CES1: variants seen among roughly 807,000 people sequenced by gnomAD.
CES1 encodes the protein liver carboxylesterase 1.
CES1 carries 50 observed loss-of-function variants against 53.0 expected under a neutral mutation model. That is an observed-to-expected ratio of 0.94 (90% CI 0.75 to 1.19). CES1 has a LOEUF of 1.19. Ranked by LOEUF, CES1 falls within the 50% of genes most tolerant of loss-of-function variation. The probability of loss-of-function intolerance (pLI) is 0.00; values close to 1 mark genes in which losing one functional copy is unlikely to be tolerated. For synonymous variants in CES1, 202 were observed against 210.1 expected, an observed-to-expected ratio of 0.96 and a Z score of 0.33; for missense variants, 534 against 538.0, an observed-to-expected ratio of 0.99 and a Z score of 0.07.
intron 9 of CES1, among the ~76,000 whole-genome samples, chr16:55,811,336 A>G (rs1473367881): frequency 1.3e-5 from 2 of 151,696 alleles, no homozygotes; most frequent in African/African-American, 2.4e-5. Context: ...TGACATGGAG[A>G]TGCAAGGTGT....
chr16:55,810,171 G>A (rs534816616), intron 11 of CES1, among the ~76,000 whole-genome samples: 6 of 152,206 alleles, frequency 3.9e-5, no homozygotes, highest in Non-Finnish European at 5.9e-5. Flanking sequence ...CTGTATTCTT[G>A]GTGTTTCCTT....
intron 1 of CES1, among the ~76,000 whole-genome samples, chr16:55,832,071 A>G (rs1213770660): frequency 1.3e-5 from 2 of 152,208 alleles, no homozygotes; most frequent in African/African-American, 4.8e-5. Context: ...TGCCCTGGCC[A>G]CTACCCACCT....
intron 8 of CES1, among the ~76,000 whole-genome samples, chr16:55,814,960 C>A (rs1434965496): frequency 1.3e-5 from 2 of 152,224 alleles, no homozygotes; most frequent in Non-Finnish European, 2.9e-5. Context: ...GGGAGGCCAG[C>A]AAGAGGAGCA....
chr16:55,816,842 G>A lies in CES1; in HGVS notation c.945+82C>T, dbSNP rs1180269258. The A allele has an allele frequency of 4.1e-5, 60 of 1,468,340 alleles. No individual in the cohort carries two copies. The Middle Eastern group carries it at 5.2e-4, about 13-fold the overall frequency. 91.0% of individuals were successfully genotyped at this position (1,468,340 alleles called of 1,614,324 possible). Reference sequence around the variant, plus strand: ...CAGGAGTTACTATAATTACCCAAGAGATGATTCTTTCACTCACAGTTAATT... The same window carrying A: ...CAGGAGTTACTATAATTACCCAAGAAATGATTCTTTCACTCACAGTTAATT... On this transcript the variant is annotated intron_variant, in intron 8 of 13. Coordinates refer to ENST00000360526, the MANE Select transcript of CES1 (RefSeq NM_001025195.2).
chr16:55,811,384 A>G (rs2031692778), intron 9 of CES1, among the ~76,000 whole-genome samples: 1 of 152,068 alleles, frequency 6.6e-6, no homozygotes, highest in Admixed American at 6.5e-5. Context: ...TCTGGGGAAG[A>G]GGATGTAGAC....
intron 9 of CES1, among the ~76,000 whole-genome samples, chr16:55,812,603 C>A (rs2031747026): frequency 6.6e-6 from 1 of 152,150 alleles, no homozygotes; most frequent in African/African-American, 2.4e-5. Context: ...CTTCTAGGCC[C>A]CCTCCGTTTT....
At chr16:55,817,047 G>T (rs1202563935) in intron 7 of CES1, 85 bp from the exon 8 acceptor site, 3 of 1,424,444 alleles carry the variant, frequency 2.1e-6, no homozygotes, top group South Asian at 1.1e-5. Context: ...GAGGTGTCAG[G>T]TTCTTCCCGC....
intron 4 of CES1, among the ~76,000 whole-genome samples, chr16:55,822,662 G>A (rs557099402): frequency 3.2e-4 from 49 of 152,202 alleles, no homozygotes; most frequent in African/African-American, 9.6e-4. Context: ...AGGGGCTCTG[G>A]CTGCTCCCTG....
rs1490001249 is a variant in CES1, at chr16:55,821,445, T to A, written c.616A>T (p.Ile206Phe). ...VAALRWVQDN[I>F]ASFGGNPGSV... ...CCTGGGTTCCCTCCAAAGCTGGCAA[T>A]GTTGTCCTGGACCCAGCGCAGGGCA... Residue 206 changes from isoleucine to phenylalanine, a missense_variant, in exon 5 of 14, where the codon ATT becomes TTT. Ile to Phe is a conservative substitution (Grantham distance 21). This residue lies in a region of CES1 where 85 missense variants were observed against 81.9 expected (regional missense o/e 1.04). Transcript: ENST00000360526. 1.4e-5 allele frequency: 23 copies of A among 1,614,188 alleles called. No homozygotes were observed. Among genetic ancestry groups the A allele is most frequent in the Non-Finnish European group, 1.9e-5 (22 of 1,180,032 alleles).
intron 4 of CES1, among the ~76,000 whole-genome samples, chr16:55,822,623 G>T (rs1438471183): frequency 1.7e-4 from 26 of 152,074 alleles, no homozygotes; most frequent in African/African-American, 6.3e-4. Context: ...TGATGCCTGT[G>T]GGCTTCAAAG....
intron 1 of CES1, among the ~76,000 whole-genome samples, chr16:55,829,492 G>A (rs2032556467): frequency 1.3e-5 from 2 of 152,260 alleles, no homozygotes. Context: ...GGGCATCATG[G>A]AGGAGCTGGG....
intron 2 of CES1, among the ~76,000 whole-genome samples, chr16:55,827,005 C>T (rs1490766974): frequency 6.6e-6 from 1 of 152,128 alleles, no homozygotes; most frequent in East Asian, 1.9e-4. Context: ...AAAACTGAAG[C>T]CTAGGCAGGT....
At chr16:55,815,102 G>A (rs2031881442) in intron 8 of CES1, among the ~76,000 whole-genome samples, 1 of 152,238 alleles carries the variant, frequency 6.6e-6, no homozygotes, top group Non-Finnish European at 1.5e-5. Context: ...GGAACCGCAT[G>A]AGCAAAAGGA....
At chr16:55,819,675 C>G in intron 6 of CES1, 36 bp from the exon 7 acceptor site, 1 of 1,515,554 alleles carries the variant, frequency 6.6e-7, no homozygotes, top group Non-Finnish European at 9.2e-7. Flanking sequence ...AGTTCAAGAG[C>G]GACATCCCTT....
chr16:55,817,880 T>TG (rs1301409568), intron 7 of CES1, among the ~76,000 whole-genome samples: 1 of 152,184 alleles, frequency 6.6e-6, no homozygotes, highest in African/African-American at 2.4e-5. Context: ...ATCTTAGGGA[T>TG]GGGTTTTCCC....
At chr16:55,824,847 G>A (rs1164790268) in intron 3 of CES1, among the ~76,000 whole-genome samples, 2 of 152,238 alleles carry the variant, frequency 1.3e-5, no homozygotes, top group Non-Finnish European at 2.9e-5. Context: ...GTCAAAAGCA[G>A]AACCAGGATT....
intron 11 of CES1, among the ~76,000 whole-genome samples, chr16:55,809,862 C>T (rs1215733871): frequency 3.3e-5 from 5 of 152,224 alleles, no homozygotes; most frequent in Admixed American, 1.3e-4. Flanking sequence ...AATATTTGTC[C>T]TACAGCAGCC....
Position 55,810,548 on chromosome 16 carries a change from G to A in CES1, c.1287C>T (p.Val429=), listed in dbSNP as rs778198864. 12 of 1,614,154 alleles carry A rather than the reference G, an allele frequency of 7.4e-6. No homozygotes were observed. In the African/African-American group the frequency reaches 1.6e-4, roughly 22 times the overall value. Residue 429 remains valine, a synonymous_variant, in exon 11 of 14, where the codon GTC becomes GTT. Transcript: ENST00000360526. ...GGTTCCGGGCCACAATCACAGATGGGACACCAAACATCACATCTGCTATCA... is the reference window on the plus strand; with the variant it reads ...GGTTCCGGGCCACAATCACAGATGGAACACCAAACATCACATCTGCTATCA... ...LDLIADVMFG[V]PSVIVARNHR...
At chr16:55,817,802 T>C (rs1188993004) in intron 7 of CES1, among the ~76,000 whole-genome samples, 15 of 152,044 alleles carry the variant, frequency 9.9e-5, no homozygotes, top group African/African-American at 3.4e-4. Context: ...GTGTGTGTAC[T>C]GGAGGCAGCG....
Sources: allele counts gnomAD v4.1 joint callset (sites outside exome capture counted in the v4.1 genomes callset), GRCh38; gene constraint gnomAD v4.1.1; regional missense constraint gnomAD v4.1.1; transcripts MANE v1.5; gene names NCBI Gene and HGNC (gene_info 2026-07-23, HGNC 2026-07-21).